IL1RAPL2: variants seen among roughly 807,000 people sequenced by gnomAD.
IL1RAPL2 encodes interleukin 1 receptor accessory protein like 2.
IL1RAPL2 carries 3 observed loss-of-function variants against 44.1 expected under a neutral mutation model. The observed-to-expected ratio is 0.07, with a 90% CI of 0.03 to 0.18. IL1RAPL2 has a LOEUF of 0.18. Ranked by LOEUF, IL1RAPL2 falls within the 10% of genes least tolerant of loss-of-function variation. The pLI is 1.00. For missense variants in IL1RAPL2, 391 were observed against 496.4 expected (o/e 0.79, Z 2.02); for synonymous variants, 181 against 178.8 (o/e 1.01, Z -0.10).
At chrX:104,943,249 A>T (rs5917177) in intron 2 of IL1RAPL2, among the ~76,000 whole-genome samples, 39,737 of 109,721 alleles carry the variant, frequency 0.36, 5,758 homozygotes, top group East Asian at 0.46. Context: ...TTGTGATCTT[A>T]CCCAGTTTCA....
At chrX:105,475,163 G>C (rs957027720) in intron 5 of IL1RAPL2, among the ~76,000 whole-genome samples, 1 of 111,820 alleles carries the variant, frequency 8.9e-6, no homozygotes, top group African/African-American at 3.2e-5. Flanking sequence ...CCATGGTGCA[G>C]TAGCAAGAAT....
intron 2 of IL1RAPL2, among the ~76,000 whole-genome samples, chrX:104,942,071 G>A (rs1181638600): frequency 6.3e-5 from 7 of 111,566 alleles, no homozygotes; most frequent in Non-Finnish European, 1.3e-4. Flanking sequence ...CTTTGTTTTG[G>A]TACCAGTACC....
chrX:105,534,114 GTATT>G (rs1405027800), intron 6 of IL1RAPL2, among the ~76,000 whole-genome samples: 1 of 112,170 alleles, frequency 8.9e-6, no homozygotes, highest in Non-Finnish European at 1.9e-5. Flanking sequence ...GAATAAACAT[GTATT>G]TAGTTTTTCA....
At chrX:104,849,405 G>A (rs748925458) in intron 2 of IL1RAPL2, among the ~76,000 whole-genome samples, 8 of 87,565 alleles carry the variant, frequency 9.1e-5, no homozygotes, top group South Asian at 4.9e-4. Flanking sequence ...GACAAAGCTG[G>A]TTGTCATTTT....
intron 5 of IL1RAPL2, among the ~76,000 whole-genome samples, chrX:105,437,665 G>A (rs1049140093): frequency 9.0e-6 from 1 of 111,141 alleles, no homozygotes; most frequent in East Asian, 2.8e-4. Flanking sequence ...AGAAACAGGT[G>A]CTAGGAACTC....
intron 2 of IL1RAPL2, among the ~76,000 whole-genome samples, chrX:105,068,308 CT>C (rs2032164158): frequency 9.0e-6 from 1 of 111,279 alleles, no homozygotes; most frequent in Non-Finnish European, 1.9e-5. Flanking sequence ...ACAACACAGT[CT>C]TTTATTAGTA....
chrX:104,729,921 A>G lies in IL1RAPL2; in HGVS notation c.82+70926A>G, dbSNP rs1465907542. ...ACTGTATGCTCTTGACCAGGGAGAAATGTAAAACAACACAGAATAATTGAA... is the reference window on the plus strand; with the variant it reads ...ACTGTATGCTCTTGACCAGGGAGAAGTGTAAAACAACACAGAATAATTGAA... On this transcript the variant is annotated intron_variant, in intron 2 of 10. Coordinates refer to ENST00000372582, the MANE Select transcript of IL1RAPL2 (RefSeq NM_017416.2). Among the ~76,000 whole-genome samples the G allele has an allele frequency of 5.4e-5, 6 of 111,474 alleles. No homozygotes were observed. The East Asian group carries it at 1.7e-3, about 32-fold the overall frequency.
At position 104,749,815 on chromosome X, in the gene IL1RAPL2, A is replaced by C. The variant is rs1376700851; in HGVS notation, c.82+90820A>C. On this transcript the variant is annotated intron_variant, in intron 2 of 10. Coordinates refer to ENST00000372582, the MANE Select transcript of IL1RAPL2 (RefSeq NM_017416.2). The stretch of plus-strand genomic sequence containing the variant: ...GTGAATATATGTAATAGATTAAGAC[A>C]ATTGAGAAATGGATAATGTATAAAT... Among the ~76,000 whole-genome samples, 4 of 112,047 alleles carry C rather than the reference A, an allele frequency of 3.6e-5. No individual in the cohort carries two copies. In the East Asian group the frequency reaches 1.1e-3, roughly 32 times the overall value.
chrX:104,972,002 G>A (rs1414788041), intron 2 of IL1RAPL2, among the ~76,000 whole-genome samples: 5 of 111,528 alleles, frequency 4.5e-5, no homozygotes, highest in Non-Finnish European at 5.7e-5. Flanking sequence ...AAACAAAAAT[G>A]AGCCCAGTTG....
intron 2 of IL1RAPL2, among the ~76,000 whole-genome samples, chrX:104,827,056 C>G (rs772747317): frequency 6.6e-5 from 7 of 105,479 alleles, no homozygotes; most frequent in African/African-American, 2.4e-4. Context: ...TACAGCACAC[C>G]GATTGGTCTT....
At chrX:105,452,760 A>AT (rs2036028403) in intron 5 of IL1RAPL2, among the ~76,000 whole-genome samples, 1 of 111,125 alleles carries the variant, frequency 9.0e-6, no homozygotes, top group Non-Finnish European at 1.9e-5. Flanking sequence ...TCAATTAAAG[A>AT]TTTTTCTATA....
At chrX:105,617,103 T>C (rs776447001) in intron 6 of IL1RAPL2, among the ~76,000 whole-genome samples, 7 of 110,968 alleles carry the variant, frequency 6.3e-5, no homozygotes, top group South Asian at 3.8e-4. Context: ...TCTTGGTACA[T>C]AGCAAACACT....
At chrX:104,810,621 T>C (rs1196592517) in intron 2 of IL1RAPL2, among the ~76,000 whole-genome samples, 2 of 111,242 alleles carry the variant, frequency 1.8e-5, no homozygotes, top group Non-Finnish European at 3.8e-5. Context: ...GGAGATGATA[T>C]GCGTAACAAA....
chrX:104,980,888 T>C (rs1339699333), intron 2 of IL1RAPL2, among the ~76,000 whole-genome samples: 1 of 111,827 alleles, frequency 8.9e-6, no homozygotes, highest in Non-Finnish European at 1.9e-5. Context: ...ATTGAATCTA[T>C]AAATTGCTTT....
At chrX:105,447,632 TATATAA>T (rs1184639438) in intron 5 of IL1RAPL2, among the ~76,000 whole-genome samples, 257 of 79,430 alleles carry the variant, frequency 3.2e-3, no homozygotes, top group African/African-American at 0.01. Flanking sequence ...AATATATATT[TATATAA>T]ATATAAATAT....
chrX:105,074,722 A>G (rs1472281120), intron 2 of IL1RAPL2, among the ~76,000 whole-genome samples: 7 of 107,231 alleles, frequency 6.5e-5, no homozygotes, highest in African/African-American at 2.4e-4. Context: ...TTCCTTGAGC[A>G]GTGGTTTGTA....
In IL1RAPL2 at chrX:104,894,904, C is replaced by A. The variant is rs191490352; in HGVS notation, c.82+235909C>A. Among the ~76,000 whole-genome samples, 3 of 111,935 alleles carry A rather than the reference C, an allele frequency of 2.7e-5. No individual in the cohort carries two copies. The Admixed American group carries it at 2.8e-4, about 11-fold the overall frequency. Reference sequence around the variant, plus strand: ...CAGCTTTTCTGCTCCGTTTTTTCCCCATCTTTGTGGTTTTATCTACCTTTG... The same window carrying A: ...CAGCTTTTCTGCTCCGTTTTTTCCCAATCTTTGTGGTTTTATCTACCTTTG... On this transcript the variant is annotated intron_variant, in intron 2 of 10. Transcript: ENST00000372582.
At chrX:105,141,278 G>A (rs757846332) in intron 2 of IL1RAPL2, among the ~76,000 whole-genome samples, 18 of 110,758 alleles carry the variant, frequency 1.6e-4, no homozygotes, top group Non-Finnish European at 2.6e-4. Context: ...GTGAACATTA[G>A]TTTAGAAAGC....
intron 1 of IL1RAPL2, among the ~76,000 whole-genome samples, chrX:104,593,565 C>T (rs1212515786): frequency 8.9e-6 from 1 of 111,881 alleles, no homozygotes; most frequent in Non-Finnish European, 1.9e-5. Flanking sequence ...TCAGCCCCAT[C>T]CCCTATTTTG....
Sources: gnomAD v4.1 joint callset for allele counts (sites outside exome capture counted in the v4.1 genomes callset) on GRCh38, gnomAD v4.1.1 for gene constraint, MANE v1.5 for transcripts, NCBI Gene and HGNC (gene_info 2026-07-23, HGNC 2026-07-21) for gene names.